Variants in TESK2 observed in about 807,000 individuals in gnomAD.
TESK2 encodes dual specificity testis-specific protein kinase 2.
Under a neutral mutation model 57.1 loss-of-function variants are expected in TESK2, and 39 were observed. The observed-to-expected ratio is 0.68, with a 90% CI of 0.53 to 0.89. TESK2 has a LOEUF of 0.89. Ranked by LOEUF, TESK2 falls within the 40% of genes least tolerant of loss-of-function variation. TESK2 has a pLI of 0.00. For synonymous variants in TESK2, 249 were observed against 267.9 expected (o/e 0.93, Z 0.69); for missense variants, 646 against 732.1 (o/e 0.88, Z 1.36).
At chr1:45,483,894 A>G (rs973579083) in intron 1 of TESK2, among the ~76,000 whole-genome samples, 5 of 151,690 alleles carry the variant, frequency 3.3e-5, no homozygotes, top group Admixed American at 3.3e-4. Flanking sequence ...CTACTCATTC[A>G]GGAGGCTAAA....
chr1:45,485,830 T>C lies in TESK2; in HGVS notation c.-87+5022A>G, dbSNP rs185079065. Among the ~76,000 whole-genome samples the C allele has an allele frequency of 5.3e-5, 8 of 152,134 alleles. No individual in the cohort carries two copies. The East Asian group carries it at 1.2e-3, about 22-fold the overall frequency. Reference sequence around the variant, plus strand: ...GCCACCGCACCCAGCCCTAAATTTATATATTAAAAAAGTTTACATTTAATA... The same window carrying C: ...GCCACCGCACCCAGCCCTAAATTTACATATTAAAAAAGTTTACATTTAATA... On this transcript the variant is annotated intron_variant, in intron 1 of 10. Coordinates refer to ENST00000372086, the MANE Select transcript of TESK2 (RefSeq NM_007170.3).
chr1:45,414,913 T>C (rs1650176601), intron 3 of TESK2: 2 of 442,370 alleles, frequency 4.5e-6, no homozygotes, highest in Non-Finnish European at 8.4e-6. Context: ...TTGAATCTAT[T>C]AAAAGCAACA....
At chr1:45,400,672 A>T (rs1306451726) in intron 3 of TESK2, among the ~76,000 whole-genome samples, 2 of 152,206 alleles carry the variant, frequency 1.3e-5, no homozygotes, top group African/African-American at 4.8e-5. Flanking sequence ...TATAAAGCTC[A>T]GAGTTAAACA....
At chr1:45,450,466 C>T (rs533639616) in intron 2 of TESK2, among the ~76,000 whole-genome samples, 2 of 152,180 alleles carry the variant, frequency 1.3e-5, no homozygotes, top group South Asian at 2.1e-4. Context: ...GAGCTGAGAT[C>T]GCACCACTGC....
chr1:45,417,466 G>C (rs1331395509), intron 3 of TESK2, among the ~76,000 whole-genome samples: 1 of 152,062 alleles, frequency 6.6e-6, no homozygotes, highest in South Asian at 2.1e-4. Context: ...TCCCGACTCA[G>C]GTGATCCACC....
intron 1 of TESK2, among the ~76,000 whole-genome samples, chr1:45,473,882 C>T (rs965717918): frequency 2.0e-5 from 3 of 151,394 alleles, no homozygotes; most frequent in Non-Finnish European, 4.4e-5. Context: ...TTTGCAGCCT[C>T]AAACGCCTAG....
Position 45,345,093 on chromosome 1 carries a change from C to G in TESK2, c.1463G>C (p.Ser488Thr), listed in dbSNP as rs763137110. 1.2e-6 allele frequency: 2 copies of G among 1,614,186 alleles called. No homozygotes were observed. Among genetic ancestry groups the G allele is most frequent in the Non-Finnish European group, 1.7e-6 (2 of 1,180,034 alleles). The change falls in exon 11 of 11, where the codon AGT becomes ACT. Residue 488 changes from serine to threonine, a missense_variant. Physicochemically the swap from Ser to Thr is moderately conservative, Grantham distance 58. Transcript: ENST00000372086. ...GATCTCTTTAACTCTGTACTTGAGACTACTTAGGCGTGGTGGGGGCCCATC... is the reference window on the plus strand; with the variant it reads ...GATCTCTTTAACTCTGTACTTGAGAGTACTTAGGCGTGGTGGGGGCCCATC... The part of the protein sequence containing the change: ...LSDGPPPRLS[S>T]LKYRVKEIPP...
At chr1:45,463,896 C>T (rs1433710897) in intron 1 of TESK2, among the ~76,000 whole-genome samples, 2 of 152,004 alleles carry the variant, frequency 1.3e-5, no homozygotes, top group Non-Finnish European at 2.9e-5. Context: ...GCCTATGTGT[C>T]GGTTTTTATG....
chr1:45,428,848 G>T, intron 2 of TESK2, among the ~76,000 whole-genome samples: 1 of 118,634 alleles, frequency 8.4e-6, no homozygotes. Context: ...TTGAGACGGA[G>T]TCTCGCTCTG....
intron 3 of TESK2, among the ~76,000 whole-genome samples, chr1:45,394,679 CTTTTTTTTTTTTT>C (rs5773871): frequency 3.5e-4 from 20 of 57,426 alleles, no homozygotes; most frequent in African/African-American, 1.2e-3. Flanking sequence ...ACAGGAAACT[CTTTTTTTTTTTTT>C]TTTTTTTTTT....
chr1:45,436,402 C>T (rs1208161054), intron 2 of TESK2, among the ~76,000 whole-genome samples: 3 of 148,158 alleles, frequency 2.0e-5, no homozygotes, highest in East Asian at 4.0e-4. Flanking sequence ...CCAGGCTGGT[C>T]GCAAACTCCT....
At chr1:45,426,086 G>A (rs1084166) in intron 2 of TESK2, among the ~76,000 whole-genome samples, 99,848 of 151,950 alleles carry the variant, frequency 0.66, 34,313 homozygotes, top group Non-Finnish European at 0.76. Context: ...GGGAGGCAGA[G>A]GTTGCAGTGA....
At chr1:45,378,292 C>T (rs1276548166) in intron 4 of TESK2, among the ~76,000 whole-genome samples, 1 of 152,174 alleles carries the variant, frequency 6.6e-6, no homozygotes, top group Non-Finnish European at 1.5e-5. Context: ...ATGAAAGACA[C>T]TCCAGTGAAC....
chr1:45,403,289 AGGCAAT>A (rs1308694656), intron 3 of TESK2, among the ~76,000 whole-genome samples: 7 of 152,078 alleles, frequency 4.6e-5, no homozygotes, highest in African/African-American at 1.7e-4. Context: ...GAAGAAGAGA[AGGCAAT>A]GGCTGAGATC....
At chr1:45,353,829 C>G (rs185755653) in intron 5 of TESK2, among the ~76,000 whole-genome samples, 143 of 152,316 alleles carry the variant, frequency 9.4e-4, no homozygotes, top group African/African-American at 3.4e-3. Context: ...TGTTTTGTGG[C>G]ATGGCCAACT....
rs771707758 is a variant in TESK2 at position 45,348,007 on chromosome 1, T to C, written c.541-7A>G. On this transcript the variant is annotated splice_region_variant and splice_polypyrimidine_tract_variant and intron_variant, in intron 5 of 10. Coordinates refer to ENST00000372086, the MANE Select transcript of TESK2 (RefSeq NM_007170.3). ...CCCTCTTTATCAGGCAGTTCTAGGGTTCCCAGGAAGGAAGAGAAAATAATG... is the reference window on the plus strand; with the variant it reads ...CCCTCTTTATCAGGCAGTTCTAGGGCTCCCAGGAAGGAAGAGAAAATAATG... 1.5e-5 allele frequency: 24 copies of C among 1,598,904 alleles called. No individual in the cohort carries two copies. The highest frequency in any genetic ancestry group is 1.6e-4 in the Middle Eastern group (1 of 6,066).
chr1:45,398,273 A>G (rs1649445798), intron 3 of TESK2, among the ~76,000 whole-genome samples: 1 of 152,078 alleles, frequency 6.6e-6, no homozygotes, highest in African/African-American at 2.4e-5. Flanking sequence ...CAGAGATGTA[A>G]TTTCAAATAT....
chr1:45,392,332 CCACCT>C (rs1358658075), intron 3 of TESK2, among the ~76,000 whole-genome samples: 5 of 152,194 alleles, frequency 3.3e-5, no homozygotes, highest in Admixed American at 3.3e-4. Flanking sequence ...GGTGATCCAC[CCACCT>C]CAGGTGATCT....
chr1:45,417,887 A>T (rs1160872113), intron 3 of TESK2, among the ~76,000 whole-genome samples: 2 of 152,136 alleles, frequency 1.3e-5, no homozygotes, highest in African/African-American at 2.4e-5. Flanking sequence ...CACCGTACCC[A>T]GCATACATTT....
Sources: allele counts gnomAD v4.1 joint callset (sites outside exome capture counted in the v4.1 genomes callset), GRCh38; gene constraint gnomAD v4.1.1; transcripts MANE v1.5; gene names NCBI Gene and HGNC (gene_info 2026-07-23, HGNC 2026-07-21).